PRPF3: variants seen among roughly 807,000 people sequenced by gnomAD.
PRPF3 encodes pre-mRNA processing factor 3.
Under a neutral mutation model 89.2 loss-of-function variants are expected in PRPF3, and 3 were observed. The ratio of observed to expected loss-of-function variants is 0.03; its 90% CI spans 0.02 to 0.09. The LOEUF is 0.09. Among genes scored for constraint, PRPF3 ranks in the 10% least tolerant of loss-of-function variants. The probability of loss-of-function intolerance (pLI) is 1.00; values close to 1 mark genes in which losing one functional copy is unlikely to be tolerated. For missense variants in PRPF3, 463 were observed against 828.8 expected (o/e 0.56, Z 5.42); for synonymous variants, 270 against 289.1 (o/e 0.93, Z 0.67).
At chr1:150,345,082 CAT>C (rs4060167) in intron 12 of PRPF3, among the ~76,000 whole-genome samples, 20,202 of 151,816 alleles carry the variant, frequency 0.13, 1,733 homozygotes, top group Non-Finnish European at 0.19. Context: ...ATGTTGAGTA[CAT>C]GTGTATCTTC....
At position 150,344,685 on chromosome 1, in the gene PRPF3, A is replaced by G. The variant is rs1658104822; in HGVS notation, c.1640+138A>G. 27 of 921,232 alleles carry G rather than the reference A, an allele frequency of 2.9e-5. No individual in the cohort carries two copies. In the South Asian group the frequency reaches 3.6e-4, roughly 12 times the overall value. 57.1% of individuals were successfully genotyped at this position (921,232 alleles called of 1,614,324 possible). ...CTTTTAATGACCCTAGTGTGGATCA[A>G]GAGCTAGTAAATCTTGTAAAATAGC... On this transcript the variant is annotated intron_variant, in intron 12 of 15. Transcript: ENST00000324862.
chr1:150,336,432 G>A (rs1259462971), intron 7 of PRPF3, among the ~76,000 whole-genome samples: 5 of 152,058 alleles, frequency 3.3e-5, no homozygotes, highest in Non-Finnish European at 7.4e-5. Flanking sequence ...AAGACTGTTG[G>A]GTTGGGGACC....
chr1:150,352,931 C>T lies in PRPF3; in HGVS notation c.2004C>T (p.His668=), dbSNP rs138976782. The stretch of plus-strand genomic sequence containing the variant: ...ATTTCAAAAAGCATGGGGCTGAACA[C>T]TACTGGGACCTTGCGCTGAGTGAAT... ...REHFKKHGAE[H]YWDLALSESV... is the part of the protein sequence containing the mutation. Residue 668 remains histidine (H), a synonymous_variant, in exon 16 of 16, where the codon CAC becomes CAT. Transcript: ENST00000324862. 372 of 1,614,142 alleles carry T rather than the reference C, an allele frequency of 2.3e-4. 3 individuals carry two copies. The African/African-American group carries it at 4.3e-3, about 19-fold the overall frequency.
At chr1:150,329,592 TA>T (rs1172621192) in intron 4 of PRPF3, among the ~76,000 whole-genome samples, 7 of 152,362 alleles carry the variant, frequency 4.6e-5, no homozygotes, top group Admixed American at 1.3e-4. Flanking sequence ...AAGTTGACTT[TA>T]TTTTTTTTTA....
intron 15 of PRPF3, among the ~76,000 whole-genome samples, chr1:150,352,184 A>T (rs1468026400): frequency 6.6e-6 from 1 of 152,094 alleles, no homozygotes; most frequent in East Asian, 1.9e-4. Context: ...TTATATAAAT[A>T]GTTTCTGGGG....
chr1:150,333,659 T>G (rs1656665495), intron 6 of PRPF3, among the ~76,000 whole-genome samples: 1 of 152,214 alleles, frequency 6.6e-6, no homozygotes, highest in Non-Finnish European at 1.5e-5. Flanking sequence ...ATTAACCAGT[T>G]GAATTTTTTC....
intron 3 of PRPF3, chr1:150,327,934 T>C (rs868991148): frequency 1.6e-5 from 4 of 249,702 alleles, no homozygotes; most frequent in Non-Finnish European, 3.1e-5. Context: ...GCTAAGAGAA[T>C]GTGAAACAAA....
intron 6 of PRPF3, 44 bp downstream of exon 6, chr1:150,333,243 G>A (rs1553866255): frequency 6.3e-7 from 1 of 1,592,532 alleles, no homozygotes; most frequent in Admixed American, 1.7e-5. Context: ...TCTGAAGTTT[G>A]AGAAGCAATA....
In PRPF3 at chr1:150,340,399, A is replaced by G. The variant is rs142080861; in HGVS notation, c.1204A>G (p.Thr402Ala). 140 of 1,588,208 alleles carry G rather than the reference A, an allele frequency of 8.8e-5. 1 individual carries two copies. In the Middle Eastern group the frequency reaches 1.0e-3, roughly 11 times the overall value. ...TTTCTTTTCTTCCTACAATTTTAGTACAGAGGAAAATCCCAAGAGAGAAGA... is the reference window on the plus strand; with the variant it reads ...TTTCTTTTCTTCCTACAATTTTAGTGCAGAGGAAAATCCCAAGAGAGAAGA... ...SYIIPNGFDLTEENPKREDYF... is the reference protein window; with the variant it reads ...SYIIPNGFDLAEENPKREDYF... The change falls in exon 9 of 16, where the codon ACA (threonine) becomes GCA (alanine). Residue 402 changes from threonine to alanine, a missense_variant and splice_region_variant. Around this residue, in one of 8 missense-constraint regions of PRPF3, gnomAD observed 261 missense variants for 475.8 expected, o/e 0.55. Transcript: ENST00000324862.
intron 7 of PRPF3, 131 bp from the exon 8 acceptor site, chr1:150,338,029 A>G (rs1657240645): frequency 2.2e-6 from 2 of 893,386 alleles, no homozygotes; most frequent in East Asian, 2.6e-5. Context: ...AGCCAAGACC[A>G]TGCCATTGCA....
intron 4 of PRPF3, among the ~76,000 whole-genome samples, chr1:150,331,601 G>A (rs956434488): frequency 6.6e-6 from 1 of 151,882 alleles, no homozygotes; most frequent in Non-Finnish European, 1.5e-5. Context: ...CTGACCTCAA[G>A]TGATTCGCCC....
chr1:150,325,162 C>A, intron 2 of PRPF3, 75 bp downstream of exon 2: 1 of 1,554,402 alleles, frequency 6.4e-7, no homozygotes, highest in African/African-American at 1.4e-5. Flanking sequence ...CCTCAAAATT[C>A]TCTCTGTTGG....
rs116427288 is a variant in PRPF3, at chr1:150,346,396, C to T, written c.1760-12C>T. 6,037 of 1,611,644 alleles carry T rather than the reference C, an allele frequency of 3.7e-3. 220 individuals carry two copies. The African/African-American group carries it at 0.073, about 19-fold the overall frequency. On this transcript the variant is annotated splice_polypyrimidine_tract_variant and intron_variant, in intron 13 of 15. Transcript: ENST00000324862. The stretch of plus-strand genomic sequence containing the variant: ...CCACAGTTCTGGCAAAATTATTCTT[C>T]TCTGTTTCCAGGCCCCAAGGCCCAG...
Position 150,338,310 on chromosome 1 carries a change from C to G in PRPF3, c.1186C>G (p.Pro396Ala). 6.2e-7 allele frequency: 1 copy of G among 1,613,904 alleles called. No individual in the cohort carries two copies. Among genetic ancestry groups the G allele is most frequent in the Non-Finnish European group, 8.5e-7 (1 of 1,179,968 alleles). The change falls in exon 8 of 16, where the codon CCC (proline) becomes GCC (alanine). Residue 396 changes from proline to alanine, a missense_variant. By Grantham distance (27) the Pro-to-Ala change is conservative. Coordinates refer to ENST00000324862, the MANE Select transcript of PRPF3 (RefSeq NM_004698.4). ...TGAGTGGTGGGACTCTTACATAATCCCCAATGGCTTTGATCTGTGAGTTTG... is the reference window on the plus strand; with the variant it reads ...TGAGTGGTGGGACTCTTACATAATCGCCAATGGCTTTGATCTGTGAGTTTG... ...EIEWWDSYII[P>A]NGFDLTEENP...
At position 150,321,564 on chromosome 1, in the gene PRPF3, G is replaced by C. The variant is rs1467553592; in HGVS notation, c.-77G>C. On this transcript the variant is annotated 5_prime_UTR_variant, in exon 1 of 16. Transcript: ENST00000324862. Reference sequence around the variant, plus strand: ...TTTCCGGTTCCGGTGTAACGTTCGGGCTCCGTCTCAGGGGCTGAAGTTTGT... The same window carrying C: ...TTTCCGGTTCCGGTGTAACGTTCGGCCTCCGTCTCAGGGGCTGAAGTTTGT... The C allele has an allele frequency of 6.5e-6, 1 of 152,716 alleles. No individual in the cohort carries two copies. The highest frequency in any genetic ancestry group is 1.5e-5 in the Non-Finnish European group (1 of 68,116). The allele number at this position is 152,716 out of a possible 1,614,324, so 9.5% of individuals were successfully genotyped here. A position where few individuals can be genotyped will look rare whatever the true frequency, so the allele number is the denominator to read the frequency against.
intron 8 of PRPF3, among the ~76,000 whole-genome samples, chr1:150,339,921 C>G (rs1657513391): frequency 6.6e-6 from 1 of 152,012 alleles, no homozygotes; most frequent in African/African-American, 2.4e-5. Flanking sequence ...AAGAGTTTCA[C>G]TATTTGGCCA....
At chr1:150,328,209 G>C (rs587749560) in intron 3 of PRPF3, 111 bp from the exon 4 acceptor site, 1 of 1,323,398 alleles carries the variant, frequency 7.6e-7, no homozygotes, top group African/African-American at 1.4e-5. Context: ...TTGCAAGGTT[G>C]TGTCATATTC....
At chr1:150,348,101 G>C (rs1293773735) in intron 14 of PRPF3, among the ~76,000 whole-genome samples, 1 of 152,240 alleles carries the variant, frequency 6.6e-6, no homozygotes, top group Non-Finnish European at 1.5e-5. Flanking sequence ...TCTGCAGAGA[G>C]GCCTGGTGTG....
intron 15 of PRPF3, among the ~76,000 whole-genome samples, chr1:150,351,962 G>A (rs1214968847): frequency 6.6e-6 from 1 of 152,080 alleles, no homozygotes; most frequent in East Asian, 1.9e-4. Context: ...TCAGAAATAA[G>A]CCAAGTTCTG....
Sources: gnomAD v4.1 joint callset for allele counts (sites outside exome capture counted in the v4.1 genomes callset) on GRCh38, gnomAD v4.1.1 for gene constraint, gnomAD v4.1.1 regional missense constraint, MANE v1.5 for transcripts, NCBI Gene and HGNC (gene_info 2026-07-23, HGNC 2026-07-21) for gene names.